The following DTX1 variants were observed in gnomAD, a reference collection of about 807,000 sequenced individuals.
DTX1 encodes the protein E3 ubiquitin-protein ligase DTX1.
In DTX1, 26 loss-of-function variants were observed where a neutral mutation model predicts 57.8. The ratio of observed to expected loss-of-function variants is 0.45; its 90% CI spans 0.33 to 0.62. DTX1 has a LOEUF of 0.62. Ranked by LOEUF, DTX1 falls within the 20% of genes least tolerant of loss-of-function variation. The probability of loss-of-function intolerance (pLI) is 0.02; values close to 1 mark genes in which losing one functional copy is unlikely to be tolerated. For synonymous variants in DTX1, 398 were observed against 394.1 expected (o/e 1.01, Z -0.12); for missense variants, 704 against 895.3 (o/e 0.79, Z 2.73).
At position 113,094,924 on chromosome 12, in the gene DTX1, G is replaced by C; in HGVS notation, c.1363G>C (p.Ala455Pro). The change falls in exon 7 of 10, where the codon GCC becomes CCC. Residue 455 changes from alanine (A) to proline (P), a missense_variant. By Grantham distance (27) the Ala-to-Pro change is conservative. Coordinates refer to ENST00000548759, the MANE Select transcript of DTX1 (RefSeq NM_004416.3). ...GHMYHLLCLV[A>P]MYSNGNKDGS... ...CATGTACCACCTGCTGTGCCTCGTG[G>C]CCATGTACTCCAATGGCAACAAGGT... 1 of 1,613,426 alleles carries C rather than the reference G, an allele frequency of 6.2e-7. No homozygotes were observed. The highest frequency in any genetic ancestry group is 8.5e-7 in the Non-Finnish European group (1 of 1,179,712).
In DTX1 at chr12:113,058,405, C is replaced by G; in HGVS notation, c.213C>G (p.Pro71=). 1.2e-6 allele frequency: 2 copies of G among 1,607,552 alleles called. No individual in the cohort carries two copies. The highest frequency in any genetic ancestry group is 1.7e-6 in the Non-Finnish European group (2 of 1,179,854). ...VLGQVDAQLV[P]YIIDLQSMHQ... is the part of the protein sequence containing the mutation. ...GGCAGGTGGACGCCCAGCTTGTGCCCTACATCATCGACCTGCAGTCCATGC... is the reference window on the plus strand; with the variant it reads ...GGCAGGTGGACGCCCAGCTTGTGCCGTACATCATCGACCTGCAGTCCATGC... The change falls in exon 2 of 10, where the codon CCC becomes CCG. Residue 71 remains proline, a synonymous_variant. Transcript: ENST00000548759.
intron 2 of DTX1, among the ~76,000 whole-genome samples, chr12:113,059,893 G>A (rs1233398046): frequency 1.3e-5 from 2 of 152,170 alleles, no homozygotes; most frequent in Admixed American, 6.5e-5. Flanking sequence ...AGTGCTCATA[G>A]CCACATGTGT....
chr12:113,093,772 G>A lies in DTX1; in HGVS notation c.1165+72G>A. The A allele has an allele frequency of 6.3e-7, 1 of 1,582,974 alleles. No homozygotes were observed. ...CTTGACCACAACTCTGTGACCCCTG[G>A]TCTCCAACTTATTCTTAGCATTTAC... is the stretch of plus-strand genomic sequence containing the variant. On this transcript the variant is annotated intron_variant, in intron 5 of 9. Transcript: ENST00000548759. The surrounding 1 kb of genome is among the most constrained non-coding windows in gnomAD (Gnocchi z 4.2).
intron 3 of DTX1, among the ~76,000 whole-genome samples, chr12:113,084,822 C>G (rs143257034): frequency 7.9e-5 from 12 of 152,300 alleles, no homozygotes; most frequent in African/African-American, 2.9e-4. Context: ...GACTCAGATT[C>G]AAAAACCCAA....
chr12:113,094,112 T>TGGGGGGGGGGGGGGA lies in DTX1; in HGVS notation c.1227+20_1227+21insGGGGGGGAGGGGGGG. On this transcript the variant is annotated intron_variant, in intron 6 of 9. Coordinates refer to ENST00000548759, the MANE Select transcript of DTX1 (RefSeq NM_004416.3). ...CCCACCTGATGAGGTGAGGAGGGGA[T>TGGGGGGGGGGGGGGA]GGGGGGGCTGGGGGAGGGCCCTGGC... The TGGGGGGGGGGGGGGA allele has an allele frequency of 4.4e-6, 2 of 454,794 alleles. No individual in the cohort carries two copies. The highest frequency in any genetic ancestry group is 6.7e-5 in the Admixed American group (2 of 29,708). The allele number at this position is 454,794 out of a possible 1,614,324, so 28.2% of individuals were successfully genotyped here. A position where few individuals can be genotyped will look rare whatever the true frequency, so the allele number is the denominator to read the frequency against.
chr12:113,074,341 A>G (rs2136057238), intron 2 of DTX1, among the ~76,000 whole-genome samples: 1 of 152,360 alleles, frequency 6.6e-6, no homozygotes, highest in Admixed American at 6.5e-5. Flanking sequence ...ACACACCTGT[A>G]AGAAAGAAGG....
rs56194115 is a variant in DTX1, at chr12:113,096,439, C to CA, written c.1639-253dup. Reference sequence around the variant, plus strand: ...TGAGCAACACAGCAAGACTCTGCCTCAAAAAAAAAAAAAAAAAAAAAAAGA... The same window carrying CA: ...TGAGCAACACAGCAAGACTCTGCCTCAAAAAAAAAAAAAAAAAAAAAAAAGA... On this transcript the variant is annotated intron_variant, in intron 9 of 9. Coordinates refer to ENST00000548759, the MANE Select transcript of DTX1 (RefSeq NM_004416.3). Among the ~76,000 whole-genome samples the CA allele has an allele frequency of 3.4e-3, 314 of 92,738 alleles. 8 individuals carry two copies. The East Asian group carries it at 0.08, about 23-fold the overall frequency. The allele number at this position is 92,738 out of a possible 152,430, so 60.8% of individuals were successfully genotyped here.
intron 2 of DTX1, among the ~76,000 whole-genome samples, chr12:113,065,109 G>T (rs2044695109): frequency 6.6e-6 from 1 of 152,192 alleles, no homozygotes; most frequent in Admixed American, 6.5e-5. Context: ...GCTGCCAGCT[G>T]CTGCCCTTTA....
At chr12:113,086,706 A>AG (rs1227398928) in intron 3 of DTX1, among the ~76,000 whole-genome samples, 2 of 151,950 alleles carry the variant, frequency 1.3e-5, no homozygotes, top group Non-Finnish European at 2.9e-5. Flanking sequence ...TTTTTAAAAA[A>AG]TCCACATTTT....
At position 113,077,904 on chromosome 12, in the gene DTX1, T is replaced by C; in HGVS notation, c.740T>C (p.Val247Ala). The C allele has an allele frequency of 8.1e-7, 1 of 1,240,164 alleles. No individual in the cohort carries two copies. The highest frequency in any genetic ancestry group is 1.0e-6 in the Non-Finnish European group (1 of 997,330). The allele number at this position is 1,240,164 out of a possible 1,614,324, so 76.8% of individuals were successfully genotyped here. A position where few individuals can be genotyped will look rare whatever the true frequency, so the allele number is the denominator to read the frequency against. ...PPGGPPGALA[V>A]RPSATFTGAA... ...GGAGGGCCTCCAGGCGCGCTTGCCGTGCGCCCCAGCGCCACCTTCACAGGC... is the reference window on the plus strand; with the variant it reads ...GGAGGGCCTCCAGGCGCGCTTGCCGCGCGCCCCAGCGCCACCTTCACAGGC... The change falls in exon 3 of 10, where the codon GTG becomes GCG. Residue 247 changes from valine (V) to alanine (A), a missense_variant. Physicochemically the swap from Val to Ala is moderately conservative, Grantham distance 64. This residue lies in a region of DTX1 where 299 missense variants were observed against 311.2 expected (regional missense o/e 0.96). Transcript: ENST00000548759. The surrounding 1 kb of genome is among the most constrained non-coding windows in gnomAD (Gnocchi z 7.8).
At chr12:113,061,416 T>C (rs2044662685) in intron 2 of DTX1, among the ~76,000 whole-genome samples, 1 of 152,140 alleles carries the variant, frequency 6.6e-6, no homozygotes, top group Non-Finnish European at 1.5e-5. Context: ...AGCAAAACAA[T>C]GTCAAGAAAG....
chr12:113,093,313 C>T lies in DTX1; in HGVS notation c.1003+90C>T, dbSNP rs1402443262. 1 of 1,463,688 alleles carries T rather than the reference C, an allele frequency of 6.8e-7. No homozygotes were observed. Among genetic ancestry groups the T allele is most frequent in the African/African-American group, 1.4e-5 (1 of 70,852 alleles). The allele number at this position is 1,463,688 out of a possible 1,614,324, so 90.7% of individuals were successfully genotyped here. A position where few individuals can be genotyped will look rare whatever the true frequency, so the allele number is the denominator to read the frequency against. On this transcript the variant is annotated intron_variant, in intron 4 of 9. Transcript: ENST00000548759. This position sits in a 1 kb window ranked among gnomAD's most constrained non-coding sequence, Gnocchi z 4.2. ...CCGGTGACCCCGCCCCCGAGATGGG[C>T]TGGTGAGCGTGGCCCGGAGGAAACG...
chr12:113,089,949 C>T lies in DTX1; in HGVS notation c.942-3213C>T, dbSNP rs191962829. On this transcript the variant is annotated intron_variant, in intron 3 of 9. Transcript: ENST00000548759. ...TGGGCCAGACTGGGCATTATATAGA[C>T]CTGGGGTAGCAAACTGGCTATACTG... The T allele has an allele frequency of 6.2e-4, 94 of 152,314 alleles. 1 individual carries two copies. The highest frequency in any genetic ancestry group is 2.2e-3 in the African/African-American group (91 of 41,530). The allele number at this position is 152,314 out of a possible 1,614,324, so 9.4% of individuals were successfully genotyped here.
chr12:113,070,497 G>A (rs184927903), intron 2 of DTX1, among the ~76,000 whole-genome samples: 1 of 152,328 alleles, frequency 6.6e-6, no homozygotes, highest in African/African-American at 2.4e-5. Flanking sequence ...CCAGCCCAGA[G>A]AGGAACCGTT....
In DTX1 at chr12:113,080,894, G is replaced by C. The variant is rs2044811194; in HGVS notation, c.941+2789G>C. On this transcript the variant is annotated intron_variant, in intron 3 of 9. Coordinates refer to ENST00000548759, the MANE Select transcript of DTX1 (RefSeq NM_004416.3). ...GAAGGCTGAGGCAAGAGGATCACTT[G>C]AGCCCAGTAGGTCAAGGCTGCAGTG... Among the ~76,000 whole-genome samples, 3 of 151,618 alleles carry C rather than the reference G, an allele frequency of 2.0e-5. No homozygotes were observed. In the South Asian group the frequency reaches 6.3e-4, roughly 32 times the overall value.
In DTX1 at chr12:113,096,703, C is replaced by T; in HGVS notation, c.1639-12C>T. The T allele has an allele frequency of 6.2e-7, 1 of 1,606,066 alleles. No homozygotes were observed. The highest frequency in any genetic ancestry group is 1.1e-5 in the South Asian group (1 of 89,974). ...ACCTCCTCCCGGCCCCACTGTGTCC[C>T]TGTCCCCCCAGGTGCTGCGGCTGCT... is the stretch of plus-strand genomic sequence containing the variant. On this transcript the variant is annotated splice_polypyrimidine_tract_variant and intron_variant, in intron 9 of 9. Transcript: ENST00000548759.
intron 3 of DTX1, among the ~76,000 whole-genome samples, chr12:113,079,694 CTGTGTG>C (rs71086139): frequency 0.25 from 33,028 of 132,324 alleles, 4,062 homozygotes; most frequent in Middle Eastern, 0.32. Flanking sequence ...TTCCCGGCTA[CTGTGTG>C]TGTGTGTGTG....
intron 3 of DTX1, among the ~76,000 whole-genome samples, chr12:113,088,256 T>C (rs1055239901): frequency 6.6e-6 from 1 of 152,260 alleles, no homozygotes; most frequent in Admixed American, 6.5e-5. Context: ...GTGCCATCTC[T>C]GCTCCAGGGC....
intron 3 of DTX1, among the ~76,000 whole-genome samples, chr12:113,079,694 C>CTG (rs71086139): frequency 0.15 from 19,264 of 131,728 alleles, 1,322 homozygotes; most frequent in East Asian, 0.17. Context: ...TTCCCGGCTA[C>CTG]TGTGTGTGTG....
Sources: allele counts gnomAD v4.1 joint callset (sites outside exome capture counted in the v4.1 genomes callset), GRCh38; gene constraint gnomAD v4.1.1; regional missense constraint gnomAD v4.1.1; non-coding constraint Gnocchi (gnomAD v3.1); transcripts MANE v1.5; gene names NCBI Gene and HGNC (gene_info 2026-07-23, HGNC 2026-07-21).